The following CAPZB variants were observed in gnomAD, a reference collection of about 807,000 sequenced individuals.
CAPZB encodes the protein F-actin-capping protein subunit beta.
Under a neutral mutation model 38.1 loss-of-function variants are expected in CAPZB, and 2 were observed. The observed-to-expected ratio is 0.05, with a 90% CI of 0.02 to 0.17. The LOEUF is 0.17. Ranked by LOEUF, CAPZB falls within the 10% of genes least tolerant of loss-of-function variation. The pLI, the probability that CAPZB is intolerant of heterozygous loss-of-function variation, is 1.00. For synonymous variants in CAPZB, 107 were observed against 127.4 expected (o/e 0.84, Z 1.08); for missense variants, 161 against 334.2 (o/e 0.48, Z 4.04).
At chr1:19,438,642 G>A (rs2094465959) in intron 1 of CAPZB, among the ~76,000 whole-genome samples, 1 of 152,178 alleles carries the variant, frequency 6.6e-6, no homozygotes, top group South Asian at 2.1e-4. Flanking sequence ...GCTTAAGCGC[G>A]GGGCCAGATT....
intron 2 of CAPZB, among the ~76,000 whole-genome samples, chr1:19,401,679 C>G (rs957621981): frequency 1.6e-4 from 24 of 152,184 alleles, no homozygotes; most frequent in African/African-American, 5.8e-4. Context: ...AAACAGAATT[C>G]AGGGGAGGAC....
At chr1:19,405,786 G>A (rs138710771) in intron 2 of CAPZB, among the ~76,000 whole-genome samples, 4 of 152,170 alleles carry the variant, frequency 2.6e-5, no homozygotes, top group Admixed American at 6.5e-5. Flanking sequence ...CCTCCAAAGC[G>A]TCCATCTGAC....
At chr1:19,418,204 C>A (rs2094388332) in intron 2 of CAPZB, among the ~76,000 whole-genome samples, 1 of 137,846 alleles carries the variant, frequency 7.3e-6, no homozygotes, top group Non-Finnish European at 1.6e-5. Flanking sequence ...TTACATAAAA[C>A]CCCAAATATA....
intron 4 of CAPZB, among the ~76,000 whole-genome samples, chr1:19,375,992 G>A (rs944327897): frequency 2.0e-5 from 3 of 152,232 alleles, no homozygotes; most frequent in Admixed American, 6.5e-5. Flanking sequence ...TGAACGATGA[G>A]ATGGGAAGGG....
chr1:19,386,639 C>T (rs2094205728), intron 2 of CAPZB, among the ~76,000 whole-genome samples: 1 of 152,222 alleles, frequency 6.6e-6, no homozygotes, highest in Non-Finnish European at 1.5e-5. Flanking sequence ...AAGGCCCTTG[C>T]CACCATCCAA....
intron 4 of CAPZB, among the ~76,000 whole-genome samples, chr1:19,359,761 C>A (rs770491541): frequency 1.3e-5 from 2 of 152,152 alleles, no homozygotes; most frequent in African/African-American, 4.8e-5. Context: ...TCCTTTCCTA[C>A]GAGAGGAAAA....
chr1:19,362,675 C>T (rs769265923), intron 4 of CAPZB, among the ~76,000 whole-genome samples: 9 of 152,206 alleles, frequency 5.9e-5, no homozygotes, highest in Admixed American at 1.3e-4. Flanking sequence ...AAAAAAAAAC[C>T]GTGGAGGCCC....
intron 1 of CAPZB, among the ~76,000 whole-genome samples, chr1:19,433,515 A>G (rs2094448919): frequency 1.3e-5 from 2 of 152,226 alleles, no homozygotes; most frequent in African/African-American, 4.8e-5. Flanking sequence ...GTTTACTCCA[A>G]CAAAACCCTG....
At chr1:19,354,079 A>G (rs1157393116) in intron 6 of CAPZB, among the ~76,000 whole-genome samples, 2 of 152,236 alleles carry the variant, frequency 1.3e-5, no homozygotes, top group African/African-American at 2.4e-5. Flanking sequence ...AGAAAGTAGC[A>G]TATTTTTTTC....
intron 1 of CAPZB, among the ~76,000 whole-genome samples, chr1:19,440,952 C>T (rs1434591448): frequency 3.3e-5 from 5 of 151,974 alleles, no homozygotes; most frequent in South Asian, 2.1e-4. Flanking sequence ...CCCAGCTACT[C>T]GGGAGACTGA....
intron 4 of CAPZB, among the ~76,000 whole-genome samples, chr1:19,373,674 TTTTTTA>T (rs1006982626): frequency 6.1e-4 from 88 of 145,446 alleles, no homozygotes; most frequent in African/African-American, 2.1e-3. Context: ...CTTTCACATA[TTTTTTA>T]TTTTTTAGTT....
intron 4 of CAPZB, among the ~76,000 whole-genome samples, chr1:19,372,301 C>T (rs2094123361): frequency 6.6e-6 from 1 of 152,224 alleles, no homozygotes; most frequent in Admixed American, 6.5e-5. Flanking sequence ...TTATCTGCTC[C>T]AAGCCAAGAG....
intron 4 of CAPZB, among the ~76,000 whole-genome samples, chr1:19,359,924 G>T (rs2094043715): frequency 6.6e-6 from 1 of 152,196 alleles, no homozygotes; most frequent in South Asian, 2.1e-4. Context: ...CCATTCTTGG[G>T]GCGAGGCGAG....
intron 1 of CAPZB, among the ~76,000 whole-genome samples, chr1:19,483,689 A>G (rs916180121): frequency 1.3e-5 from 2 of 152,132 alleles, no homozygotes; most frequent in Non-Finnish European, 2.9e-5. Context: ...GCCCACTTTC[A>G]AAGTCCTCAC....
chr1:19,457,916 C>G (rs4912097), intron 1 of CAPZB, among the ~76,000 whole-genome samples: 36,940 of 151,998 alleles, frequency 0.24, 4,700 homozygotes, highest in Non-Finnish European at 0.27. Context: ...GAAGTTACCC[C>G]CCTGCCATCT....
chr1:19,436,591 T>G (rs72653931), intron 1 of CAPZB, among the ~76,000 whole-genome samples: 26,593 of 152,156 alleles, frequency 0.17, 2,647 homozygotes, highest in South Asian at 0.29. Context: ...CTGTCACACC[T>G]CAATGCAAAG....
At chr1:19,484,433 C>A in intron 1 of CAPZB, 2 of 1,508,732 alleles carry the variant, frequency 1.3e-6, no homozygotes, top group Non-Finnish European at 1.8e-6. Context: ...CCGGCCTGCC[C>A]TGCAGAATGC....
chr1:19,477,308 C>G (rs914375317), intron 1 of CAPZB, among the ~76,000 whole-genome samples: 3 of 152,206 alleles, frequency 2.0e-5, no homozygotes, highest in African/African-American at 7.2e-5. Flanking sequence ...CTCAGGACAA[C>G]CAGGGGTCCA....
chr1:19,383,769 T>C (rs1022946597), intron 3 of CAPZB, among the ~76,000 whole-genome samples: 1 of 152,110 alleles, frequency 6.6e-6, no homozygotes, highest in African/African-American at 2.4e-5. Context: ...CTAATGGGCC[T>C]CTCAAGCTTA....
Sources: allele counts gnomAD v4.1 joint callset (sites outside exome capture counted in the v4.1 genomes callset), GRCh38; gene constraint gnomAD v4.1.1; transcripts MANE v1.5; gene names NCBI Gene and HGNC (gene_info 2026-07-23, HGNC 2026-07-21).